MARCHF6: variants seen among roughly 807,000 people sequenced by gnomAD.
MARCHF6 encodes membrane associated ring-CH-type finger 6.
Under a neutral mutation model 133.7 loss-of-function variants are expected in MARCHF6, and 31 were observed. The ratio of observed to expected loss-of-function variants is 0.23; its 90% confidence interval spans 0.17 to 0.31. MARCHF6 has a LOEUF of 0.31. Ranked by LOEUF, MARCHF6 falls within the 10% of genes least tolerant of loss-of-function variation. The pLI is 1.00. For missense variants in MARCHF6, 723 were observed against 1,121.6 expected, an observed-to-expected ratio of 0.64 and a Z score of 5.08; for synonymous variants, 395 against 402.5, an observed-to-expected ratio of 0.98 and a Z score of 0.22.
chr5:10,415,923 A>G (rs1415154646), intron 21 of MARCHF6, among the ~76,000 whole-genome samples: 1 of 152,250 alleles, frequency 6.6e-6, no homozygotes, highest in Non-Finnish European at 1.5e-5. Context: ...CTGTAATCCC[A>G]GTACTATGGG....
intron 1 of MARCHF6, among the ~76,000 whole-genome samples, chr5:10,356,402 A>ATTTTAT (rs1554017651): frequency 6.1e-4 from 84 of 138,580 alleles, no homozygotes; most frequent in Admixed American, 5.0e-3. Flanking sequence ...ATTTTATTTT[A>ATTTTAT]TTTTATTTTC....
intron 24 of MARCHF6, among the ~76,000 whole-genome samples, chr5:10,428,246 T>G (rs146088463): frequency 1.5e-3 from 223 of 152,206 alleles, no homozygotes; most frequent in African/African-American, 5.2e-3. Flanking sequence ...GTTTGAATTG[T>G]GACTATGCCA....
chr5:10,392,467 G>A (rs974985567), intron 7 of MARCHF6, among the ~76,000 whole-genome samples: 6 of 152,116 alleles, frequency 3.9e-5, no homozygotes, highest in South Asian at 4.1e-4. Flanking sequence ...ATAAATCAAC[G>A]TCTCGTTTTC....
At position 10,435,661 on chromosome 5, in the gene MARCHF6, A is replaced by AAC. The variant is rs1299531327; in HGVS notation, c.*1977_*1978insAC. On this transcript the variant is annotated 3_prime_UTR_variant, in exon 26 of 26. Coordinates refer to ENST00000274140, the MANE Select transcript of MARCHF6 (RefSeq NM_005885.4). ...TAACTATATATATATATATATATAT[A>AAC]TATATATATATATATATATATATAT... 1.0e-3 allele frequency: 6 copies of AAC among 5,950 alleles called. 1 individual carries two copies. Among genetic ancestry groups the AAC allele is most frequent in the African/African-American group, 5.5e-3 (5 of 908 alleles). The allele number at this position is 5,950 out of a possible 1,614,324, so 0.4% of individuals were successfully genotyped here. A position where few individuals can be genotyped will look rare whatever the true frequency, so the allele number is the denominator to read the frequency against.
At chr5:10,381,486 G>A (rs570692389) in intron 3 of MARCHF6, among the ~76,000 whole-genome samples, 2 of 152,284 alleles carry the variant, frequency 1.3e-5, no homozygotes, top group Admixed American at 1.3e-4. Flanking sequence ...GATTATATTG[G>A]TTGAATGTTA....
intron 5 of MARCHF6, 34 bp downstream of exon 5, chr5:10,387,100 G>C: frequency 2.1e-6 from 3 of 1,436,864 alleles, no homozygotes; most frequent in Non-Finnish European, 2.9e-6. Flanking sequence ...AATGTTGCAT[G>C]ATGTAGATGA....
rs1036453810 is a variant in MARCHF6, at chr5:10,371,135, C to T, written c.20-6663C>T. On this transcript the variant is annotated intron_variant, in intron 1 of 25. Coordinates refer to ENST00000274140, the MANE Select transcript of MARCHF6 (RefSeq NM_005885.4). ...ATAGAATTAGCTATTCTTAGATTTC[C>T]AGCCAGTTTTCTGAAAGTGTGACAG... 3.1e-4 allele frequency among the ~76,000 whole-genome samples: 47 copies of T among 152,074 alleles called. 1 individual carries two copies. The highest frequency in any genetic ancestry group is 1.1e-3 in the African/African-American group (47 of 41,380).
chr5:10,404,228 C>T (rs1421469581), intron 15 of MARCHF6, among the ~76,000 whole-genome samples: 9 of 151,914 alleles, frequency 5.9e-5, no homozygotes, highest in East Asian at 3.9e-4. Context: ...CCACCATGCC[C>T]GGCTAATTTT....
intron 3 of MARCHF6, 70 bp downstream of exon 3, chr5:10,378,902 A>G (rs1736950844): frequency 2.1e-6 from 2 of 961,552 alleles, no homozygotes; most frequent in South Asian, 1.4e-5. Context: ...GTTTGATATG[A>G]TCAGTTGACA....
rs775879229 is a variant in MARCHF6, at chr5:10,426,396, G to T, written c.2380G>T (p.Ala794Ser). Residue 794 changes from alanine to serine, a missense_variant, in exon 24 of 26, where the codon GCA (alanine) becomes TCA (serine). By Grantham distance (99) the Ala-to-Ser change is moderately conservative (BLOSUM62 1). Around this residue, in one of 4 missense-constraint regions of MARCHF6, gnomAD observed 492 missense variants for 699.5 expected, o/e 0.70. Coordinates refer to ENST00000274140, the MANE Select transcript of MARCHF6 (RefSeq NM_005885.4). ...GCTTTTTGTAATGTTTCAGGTTTACGCAAATGGCATCCGGAACATTGACCT... is the reference window on the plus strand; with the variant it reads ...GCTTTTTGTAATGTTTCAGGTTTACTCAAATGGCATCCGGAACATTGACCT... ...WLKTVIEQVY[A>S]NGIRNIDLHY... is the part of the protein sequence containing the mutation. 1.2e-6 allele frequency: 2 copies of T among 1,613,062 alleles called. No individual in the cohort carries two copies. Among genetic ancestry groups the T allele is most frequent in the South Asian group, 1.1e-5 (1 of 90,882 alleles).
At chr5:10,420,908 C>T (rs891396745) in intron 22 of MARCHF6, among the ~76,000 whole-genome samples, 3 of 152,196 alleles carry the variant, frequency 2.0e-5, no homozygotes, top group African/African-American at 7.2e-5. Flanking sequence ...GCATCTGATA[C>T]AGACCAAATT....
rs1579503188 is a variant in MARCHF6 at position 10,353,809 on chromosome 5, G to A, written c.-90G>A. 2.5e-6 allele frequency: 3 copies of A among 1,213,384 alleles called. No individual in the cohort carries two copies. Among genetic ancestry groups the A allele is most frequent in the African/African-American group, 1.6e-5 (1 of 63,518 alleles). 75.2% of individuals were successfully genotyped at this position (1,213,384 alleles called of 1,614,324 possible). ...CGCACCTGAGCGTACGCACCTGCCC[G>A]GGCCCGGCTCCCTCCTCCTCTCCCC... On this transcript the variant is annotated 5_prime_UTR_variant, in exon 1 of 26. Transcript: ENST00000274140.
intron 25 of MARCHF6, among the ~76,000 whole-genome samples, chr5:10,430,597 C>G (rs1740316905): frequency 6.6e-6 from 1 of 152,192 alleles, no homozygotes; most frequent in East Asian, 1.9e-4. Flanking sequence ...AGCCACTGCA[C>G]CCAGCCAAGA....
intron 23 of MARCHF6, 147 bp downstream of exon 23, chr5:10,423,971 T>A (rs1739953696): frequency 4.5e-5 from 21 of 466,198 alleles, no homozygotes; most frequent in East Asian, 1.0e-4. Flanking sequence ...TTTTTTTTTT[T>A]AAAGACAGCA....
chr5:10,385,013 G>C (rs1340802886), intron 4 of MARCHF6, among the ~76,000 whole-genome samples: 3 of 152,214 alleles, frequency 2.0e-5, no homozygotes, highest in Non-Finnish European at 4.4e-5. Context: ...CTACATAGCA[G>C]TGAAAAAAGA....
intron 5 of MARCHF6, among the ~76,000 whole-genome samples, chr5:10,387,571 G>A: frequency 6.6e-6 from 1 of 152,162 alleles, no homozygotes. Flanking sequence ...CCAAAGTGCT[G>A]GGATTACAGG....
chr5:10,406,877 A>G (rs1480615978), intron 16 of MARCHF6, among the ~76,000 whole-genome samples: 2 of 152,096 alleles, frequency 1.3e-5, no homozygotes, highest in Non-Finnish European at 2.9e-5. Context: ...CCGTTTTAGC[A>G]TTTGTGTCCT....
chr5:10,372,470 AAG>A (rs985492760), intron 1 of MARCHF6, among the ~76,000 whole-genome samples: 6 of 152,176 alleles, frequency 3.9e-5, no homozygotes, highest in Non-Finnish European at 5.9e-5. Flanking sequence ...GGAGATTTTA[AAG>A]AGTTATTAAT....
At chr5:10,406,974 G>C in intron 16 of MARCHF6, 128 bp from the exon 17 acceptor site, 2 of 503,810 alleles carry the variant, frequency 4.0e-6, no homozygotes, top group Non-Finnish European at 7.2e-6. Flanking sequence ...TGTAGAGTGG[G>C]AACCGCTTGG....
Sources: gnomAD v4.1 joint callset for allele counts (sites outside exome capture counted in the v4.1 genomes callset) on GRCh38, gnomAD v4.1.1 for gene constraint, gnomAD v4.1.1 regional missense constraint, MANE v1.5 for transcripts, NCBI Gene and HGNC (gene_info 2026-07-23, HGNC 2026-07-21) for gene names.